The following TBC1D31 variants were observed in gnomAD, a reference collection of about 807,000 sequenced individuals.
TBC1D31 encodes TBC1 domain family member 31.
A neutral mutation model predicts 132.9 loss-of-function variants in TBC1D31; 99 were observed. That is an observed-to-expected ratio of 0.74 (90% confidence interval 0.63 to 0.88). The LOEUF is 0.88. TBC1D31 is among the 40% of genes least tolerant of loss of function. TBC1D31 has a pLI of 0.00. For synonymous variants in TBC1D31, 385 were observed against 419.4 expected, an observed-to-expected ratio of 0.92 and a Z score of 1.00; for missense variants, 1,134 against 1,256.6, an observed-to-expected ratio of 0.90 and a Z score of 1.48.
intron 10 of TBC1D31, among the ~76,000 whole-genome samples, chr8:123,118,745 G>A (rs1008006212): frequency 2.6e-5 from 4 of 151,642 alleles, no homozygotes; most frequent in Non-Finnish European, 5.9e-5. Context: ...TTAGTTTTTT[G>A]TTTTAGAGAC....
chr8:123,146,998 C>T (rs115631658), intron 20 of TBC1D31, among the ~76,000 whole-genome samples: 1,564 of 152,178 alleles, frequency 0.01, 28 homozygotes, highest in African/African-American at 0.036. Context: ...CACTCATTAC[C>T]GCTCATACTT....
chr8:123,120,253 T>C, intron 11 of TBC1D31, 65 bp downstream of exon 11: 1 of 1,340,084 alleles, frequency 7.5e-7, no homozygotes, highest in South Asian at 1.5e-5. Context: ...CTGATGTCTT[T>C]GCACCTTTGC....
At chr8:123,078,701 A>T (rs144362458) in intron 2 of TBC1D31, among the ~76,000 whole-genome samples, 3 of 152,352 alleles carry the variant, frequency 2.0e-5, no homozygotes, top group African/African-American at 4.8e-5. Flanking sequence ...TGTCAAAAAG[A>T]CACAGTTGCC....
chr8:123,077,093 G>T lies in TBC1D31; in HGVS notation c.78-18G>T, dbSNP rs1252776216. ...ATACGTGACATAGATTCAATGTTTG[G>T]GTTTTTTTCTTTGACAGAATTATAG... On this transcript the variant is annotated intron_variant, in intron 1 of 21. Transcript: ENST00000287380. 5.8e-6 allele frequency: 9 copies of T among 1,560,790 alleles called. No individual in the cohort carries two copies. The highest frequency in any genetic ancestry group is 7.8e-6 in the Non-Finnish European group (9 of 1,155,406).
intron 14 of TBC1D31, among the ~76,000 whole-genome samples, 160 bp downstream of exon 14, chr8:123,128,673 G>A (rs1014314618): frequency 6.6e-6 from 1 of 152,054 alleles, no homozygotes; most frequent in African/African-American, 2.4e-5. Flanking sequence ...TCAGGAGTTC[G>A]AGACCAGCCT....
At chr8:123,117,474 A>C (rs985726489) in intron 10 of TBC1D31, among the ~76,000 whole-genome samples, 2 of 151,338 alleles carry the variant, frequency 1.3e-5, no homozygotes, top group African/African-American at 4.9e-5. Context: ...TCACTAGTAC[A>C]CCAGGCGTGG....
chr8:123,080,160 C>T (rs759776902), intron 2 of TBC1D31, among the ~76,000 whole-genome samples: 1 of 152,204 alleles, frequency 6.6e-6, no homozygotes, highest in Non-Finnish European at 1.5e-5. Flanking sequence ...ATGTTATCAA[C>T]TTGTGTCATG....
At chr8:123,124,866 G>A (rs1819877553) in intron 11 of TBC1D31, among the ~76,000 whole-genome samples, 1 of 151,126 alleles carries the variant, frequency 6.6e-6, no homozygotes, top group Admixed American at 6.6e-5. Flanking sequence ...GAACCCGGGA[G>A]GCAGAGGTTG....
Position 123,084,463 on chromosome 8 carries a change from A to C in TBC1D31, c.519+123A>C, listed in dbSNP as rs1815507356. Reference sequence around the variant, plus strand: ...CCTTGTAGCTCTGTAACTCAGCAACAAGCAAAGCAAAGTGGCCAACACAAA... The same window carrying C: ...CCTTGTAGCTCTGTAACTCAGCAACCAGCAAAGCAAAGTGGCCAACACAAA... On this transcript the variant is annotated intron_variant, in intron 4 of 21. Transcript: ENST00000287380. 4 of 899,134 alleles carry C rather than the reference A, an allele frequency of 4.4e-6. No individual in the cohort carries two copies. In the South Asian group the frequency reaches 7.6e-5, roughly 17 times the overall value. 55.7% of individuals were successfully genotyped at this position (899,134 alleles called of 1,614,324 possible).
chr8:123,137,250 T>C (rs1350776729), intron 17 of TBC1D31, among the ~76,000 whole-genome samples: 1 of 152,234 alleles, frequency 6.6e-6, no homozygotes, highest in Middle Eastern at 3.2e-3. Flanking sequence ...TTCACATGTA[T>C]GTACCTTCTC....
chr8:123,077,546 T>TTTC (rs71310652), intron 2 of TBC1D31, among the ~76,000 whole-genome samples: 10 of 151,122 alleles, frequency 6.6e-5, no homozygotes, highest in African/African-American at 2.5e-4. Context: ...TTTTTTTTTT[T>TTTC]CTTCAGACGG....
chr8:123,140,454 G>T (rs1821537320), intron 17 of TBC1D31, among the ~76,000 whole-genome samples: 1 of 152,204 alleles, frequency 6.6e-6, no homozygotes, highest in South Asian at 2.1e-4. Flanking sequence ...TTCTTACCAA[G>T]ATTCAGCCAT....
chr8:123,133,393 G>C (rs1007155187), intron 16 of TBC1D31, among the ~76,000 whole-genome samples: 17 of 152,162 alleles, frequency 1.1e-4, no homozygotes, highest in African/African-American at 4.1e-4. Context: ...ACTGGTCCTG[G>C]TCCATGTTTC....
chr8:123,084,436 G>C, intron 4 of TBC1D31, 96 bp downstream of exon 4: 1 of 1,233,778 alleles, frequency 8.1e-7, no homozygotes, highest in East Asian at 2.4e-5. Context: ...GATTCACTTT[G>C]TCCTTGTAGC....
In TBC1D31 at chr8:123,144,861, T is replaced by C. The variant is rs371990915; in HGVS notation, c.2974+6T>C. On this transcript the variant is annotated splice_donor_region_variant and intron_variant, in intron 20 of 21. Transcript: ENST00000287380. ...TGAAAATCCATGTCATAAAGGTGAG[T>C]GTCTGAGAGGCCTTTCTCTCCATGA... 3.9e-5 allele frequency: 63 copies of C among 1,605,524 alleles called. No homozygotes were observed. Among genetic ancestry groups the C allele is most frequent in the Non-Finnish European group, 4.8e-5 (57 of 1,177,858 alleles).
At chr8:123,100,250 A>T (rs1471678255) in intron 6 of TBC1D31, among the ~76,000 whole-genome samples, 1 of 152,124 alleles carries the variant, frequency 6.6e-6, no homozygotes, top group Non-Finnish European at 1.5e-5. Flanking sequence ...GGCATAATCA[A>T]CATGAGCCAT....
chr8:123,093,013 T>C (rs1816491687), intron 4 of TBC1D31, among the ~76,000 whole-genome samples: 1 of 152,014 alleles, frequency 6.6e-6, no homozygotes, highest in African/African-American at 2.4e-5. Context: ...GGTTTCACCT[T>C]GTTGGTCAGG....
intron 10 of TBC1D31, among the ~76,000 whole-genome samples, chr8:123,117,556 C>T (rs1170328704): frequency 6.6e-6 from 1 of 151,304 alleles, no homozygotes; most frequent in Non-Finnish European, 1.5e-5. Context: ...AGATCGAGAC[C>T]ATCCTGGCTG....
At chr8:123,134,925 A>G (rs1820940394) in intron 17 of TBC1D31, among the ~76,000 whole-genome samples, 1 of 152,192 alleles carries the variant, frequency 6.6e-6, no homozygotes, top group African/African-American at 2.4e-5. Context: ...TTTTTGAGAC[A>G]GTCTTACTCA....
Sources: gnomAD v4.1 joint callset for allele counts (sites outside exome capture counted in the v4.1 genomes callset) on GRCh38, gnomAD v4.1.1 for gene constraint, MANE v1.5 for transcripts, NCBI Gene and HGNC (gene_info 2026-07-23, HGNC 2026-07-21) for gene names.